ARHGEF9: variants seen among roughly 807,000 people sequenced by gnomAD.
ARHGEF9 encodes the protein Cdc42 guanine nucleotide exchange factor 9, also known as rho guanine nucleotide exchange factor 9.
In ARHGEF9, 2 loss-of-function variants were observed where a neutral mutation model predicts 41.3. The observed-to-expected ratio is 0.05, with a 90% confidence interval of 0.02 to 0.15. The LOEUF is 0.15. Among genes scored for constraint, ARHGEF9 ranks in the 10% least tolerant of loss-of-function variants. The pLI, the probability that ARHGEF9 is intolerant of heterozygous loss-of-function variation, is 1.00. For synonymous variants in ARHGEF9, 160 were observed against 154.4 expected, an observed-to-expected ratio of 1.04 and a Z score of -0.27; for missense variants, 225 against 424.7, an observed-to-expected ratio of 0.53 and a Z score of 4.13.
At chrX:63,665,053 ACT>A (rs1252297427) in intron 7 of ARHGEF9, among the ~76,000 whole-genome samples, 2 of 111,980 alleles carry the variant, frequency 1.8e-5, no homozygotes, top group African/African-American at 6.5e-5. Context: ...TTGTAAAGTC[ACT>A]CTAAGCATTC....
Position 63,767,057 on chromosome X carries a change from A to C in ARHGEF9, c.30+18059T>G, listed in dbSNP as rs1433871759. 3.0e-6 allele frequency: 3 copies of C among 984,574 alleles called. No individual in the cohort carries two copies. In the African/African-American group the frequency reaches 5.7e-5, roughly 19 times the overall value. The allele number at this position is 984,574 out of a possible 1,213,427, so 81.1% of individuals were successfully genotyped here. On this transcript the variant is annotated intron_variant, in intron 1 of 9. Coordinates refer to ENST00000671741, the MANE Select transcript of ARHGEF9 (RefSeq NM_001353921.2). Reference sequence around the variant, plus strand: ...AAGAGGTGAATATGTTTACAAACCAAGGAACAGTGATCCACTTTAACAACC... The same window carrying C: ...AAGAGGTGAATATGTTTACAAACCACGGAACAGTGATCCACTTTAACAACC...
Position 63,706,261 on chromosome X carries a change from A to G in ARHGEF9, c.399T>C (p.Cys133=). The part of the protein sequence containing the change: ...RHYIKHLKDI[C]EGYLKQCRKR... ...CCACATGAACCACCATGGTTACCTC[A>G]CAAATATCCTTGAGGTGCTTGATGT... The change falls in exon 3 of 10, where the codon TGT becomes TGC. Residue 133 remains cysteine (C), a synonymous_variant. Coordinates refer to ENST00000671741, the MANE Select transcript of ARHGEF9 (RefSeq NM_001353921.2). 1 of 1,199,243 alleles carries G rather than the reference A, an allele frequency of 8.3e-7. No individual in the cohort carries two copies. Among genetic ancestry groups the G allele is most frequent in the Non-Finnish European group, 1.1e-6 (1 of 888,654 alleles).
At chrX:63,709,567 C>A (rs1393021350) in intron 2 of ARHGEF9, among the ~76,000 whole-genome samples, 2 of 111,718 alleles carry the variant, frequency 1.8e-5, no homozygotes, top group Non-Finnish European at 3.8e-5. Flanking sequence ...ACTATTAGAC[C>A]AATTTCCTTG....
At chrX:63,704,287 A>G (rs2052386345) in intron 3 of ARHGEF9, among the ~76,000 whole-genome samples, 1 of 112,772 alleles carries the variant, frequency 8.9e-6, no homozygotes, top group Non-Finnish European at 1.9e-5. Context: ...ATTATACATC[A>G]AATAGTAACT....
intron 1 of ARHGEF9, among the ~76,000 whole-genome samples, chrX:63,784,159 G>A (rs782152040): frequency 1.8e-5 from 2 of 112,203 alleles, no homozygotes; most frequent in Non-Finnish European, 3.8e-5. Flanking sequence ...ATCAGTGCCT[G>A]CTGACCCAAC....
Position 63,637,113 on chromosome X carries a change from A to C in ARHGEF9, c.*915T>G. 3.4e-6 allele frequency: 1 copy of C among 297,573 alleles called. No individual in the cohort carries two copies. 24.5% of individuals were successfully genotyped at this position (297,573 alleles called of 1,213,427 possible). On this transcript the variant is annotated 3_prime_UTR_variant, in exon 10 of 10. Coordinates refer to ENST00000671741, the MANE Select transcript of ARHGEF9 (RefSeq NM_001353921.2). ...GAGACCTATAACAAAAGTGACTTGA[A>C]AAAAGAGAATAACTCGATCAAACTA...
intron 1 of ARHGEF9, chrX:63,754,730 C>G: frequency 1.1e-6 from 1 of 938,322 alleles, no homozygotes; most frequent in East Asian, 4.1e-5. Flanking sequence ...GTTTGGCGCC[C>G]GAGTTTAGTC....
At chrX:63,679,945 A>C (rs782255666) in intron 4 of ARHGEF9, among the ~76,000 whole-genome samples, 4 of 112,385 alleles carry the variant, frequency 3.6e-5, no homozygotes, top group Non-Finnish European at 7.5e-5. Context: ...AATCCTAAGA[A>C]ATCTACAAAA....
chrX:63,765,397 TA>T lies in ARHGEF9; in HGVS notation c.30+19718del, dbSNP rs1215037737. On this transcript the variant is annotated intron_variant, in intron 1 of 9. Transcript: ENST00000671741. The stretch of plus-strand genomic sequence containing the variant: ...CCCAGTTAACAAGGATAAAAAAAAT[TA>T]AAAAAAAAAACCCTCGCTTAAGCAG... 1.7e-3 allele frequency among the ~76,000 whole-genome samples: 174 copies of T among 103,408 alleles called. 1 individual carries two copies. The highest frequency in any genetic ancestry group is 4.8e-3 in the Middle Eastern group (1 of 207). The allele number at this position is 103,408 out of a possible 115,157, so 89.8% of individuals were successfully genotyped here. A position where few individuals can be genotyped will look rare whatever the true frequency, so the allele number is the denominator to read the frequency against.
rs1348507142 is a variant in ARHGEF9 at position 63,637,963 on chromosome X, A to G, written c.*65T>C. The G allele has an allele frequency of 6.6e-6, 7 of 1,063,164 alleles. No individual in the cohort carries two copies. Among genetic ancestry groups the G allele is most frequent in the Middle Eastern group, 3.4e-4 (1 of 2,932 alleles). 87.6% of individuals were successfully genotyped at this position (1,063,164 alleles called of 1,213,427 possible). A position where few individuals can be genotyped will look rare whatever the true frequency, so the allele number is the denominator to read the frequency against. ...AAATTTCAACAGTGCTTCTCCGAAA[A>G]AAGGTCCATCTATAAATATAATTTT... On this transcript the variant is annotated 3_prime_UTR_variant, in exon 10 of 10. Transcript: ENST00000671741.
intron 1 of ARHGEF9, 75 bp from the exon 2 acceptor site, chrX:63,724,786 T>C: frequency 1.1e-6 from 1 of 912,516 alleles, no homozygotes; most frequent in Non-Finnish European, 1.6e-6. Flanking sequence ...CACAGAGCTC[T>C]ACTACTTACA....
chrX:63,678,567 A>G lies in ARHGEF9; in HGVS notation c.588T>C (p.Asp196=), dbSNP rs1388813194. ...AATACTCAGAGTATATCCAGAATCCATCTTGCTGTGGGAAAAGAAAAAAAG... is the reference window on the plus strand; with the variant it reads ...AATACTCAGAGTATATCCAGAATCCGTCTTGCTGTGGGAAAAGAAAAAAAG... ...EIGPCFLEHQ[D]GFWIYSEYCN... is the part of the protein sequence containing the mutation. The change falls in exon 5 of 10, where the codon GAT becomes GAC. Residue 196 remains aspartate (D), a synonymous_variant. Coordinates refer to ENST00000671741, the MANE Select transcript of ARHGEF9 (RefSeq NM_001353921.2). The G allele has an allele frequency of 8.4e-7, 1 of 1,187,643 alleles. No individual in the cohort carries two copies. The highest frequency in any genetic ancestry group is 1.1e-6 in the Non-Finnish European group (1 of 880,096).
intron 8 of ARHGEF9, among the ~76,000 whole-genome samples, chrX:63,647,479 T>C (rs1387499369): frequency 1.8e-5 from 2 of 111,938 alleles, no homozygotes; most frequent in Non-Finnish European, 3.8e-5. Context: ...TCTGCATCTA[T>C]TGAGATAATC....
chrX:63,680,671 G>C (rs1454282974), intron 4 of ARHGEF9, among the ~76,000 whole-genome samples: 4 of 111,999 alleles, frequency 3.6e-5, no homozygotes, highest in African/African-American at 9.7e-5. Flanking sequence ...ATAGCCACTG[G>C]GTACCTCCTG....
chrX:63,656,925 A>C (rs2048911434), intron 7 of ARHGEF9: 1 of 112,245 alleles, frequency 8.9e-6, no homozygotes, highest in Non-Finnish European at 1.9e-5. Context: ...ATATTTCATA[A>C]GTTAAAAAGG....
At chrX:63,766,826 T>C (rs1215043108) in intron 1 of ARHGEF9, 1 of 286,989 alleles carries the variant, frequency 3.5e-6, no homozygotes, top group Non-Finnish European at 6.3e-6. Flanking sequence ...CCAAGACCCC[T>C]GATCACCAAC....
intron 8 of ARHGEF9, among the ~76,000 whole-genome samples, chrX:63,648,156 A>G (rs1435422139): frequency 4.5e-5 from 5 of 111,155 alleles, no homozygotes; most frequent in Non-Finnish European, 1.9e-5. Context: ...TGTCAGATTC[A>G]CCAAAGTTGA....
chrX:63,746,490 T>C (rs782601330), intron 1 of ARHGEF9, among the ~76,000 whole-genome samples: 8 of 111,611 alleles, frequency 7.2e-5, no homozygotes, highest in Non-Finnish European at 1.9e-5. Flanking sequence ...CACTGCAGGA[T>C]GTGGTATCAA....
At chrX:63,745,672 G>T (rs1163814644) in intron 1 of ARHGEF9, among the ~76,000 whole-genome samples, 1 of 111,310 alleles carries the variant, frequency 9.0e-6, no homozygotes, top group Non-Finnish European at 1.9e-5. Context: ...AAAAGGAATG[G>T]GGGCAGTGTG....
Sources: allele counts gnomAD v4.1 joint callset (sites outside exome capture counted in the v4.1 genomes callset), GRCh38; gene constraint gnomAD v4.1.1; transcripts MANE v1.5; gene names NCBI Gene and HGNC (gene_info 2026-07-23, HGNC 2026-07-21).